RRM2: variants seen among roughly 807,000 people sequenced by gnomAD.
The protein encoded by RRM2 is ribonucleotide reductase regulatory subunit M2.
RRM2 carries 6 observed loss-of-function variants against 45.9 expected under a neutral mutation model. The ratio of observed to expected loss-of-function variants is 0.13; its 90% CI spans 0.07 to 0.26. The LOEUF is 0.26. Among genes scored for constraint, RRM2 ranks in the 10% least tolerant of loss-of-function variants. The pLI, the probability that RRM2 is intolerant of heterozygous loss-of-function variation, is 1.00. For synonymous variants in RRM2, 177 were observed against 173.0 expected (o/e 1.02, Z -0.18); for missense variants, 343 against 489.5 (o/e 0.70, Z 2.82).
rs1473129542 is a variant in RRM2 at position 10,194,913 on chromosome 2, T to C, written n.483-15398T>C. Among the ~76,000 whole-genome samples the C allele has an allele frequency of 2.0e-5, 3 of 152,310 alleles. No homozygotes were observed. The East Asian group carries it at 5.8e-4, about 29-fold the overall frequency. ...TCTGAGGCTGCCTTGTGCCTGATCT[T>C]GGGCAAGTTGCTTGCTAGACCTCTC... On this transcript the variant is annotated intron_variant and non_coding_transcript_variant, in intron 3 of 3. Transcript: ENST00000381786.
intron 3 of RRM2, among the ~76,000 whole-genome samples, chr2:10,199,939 T>C (rs1664511514): frequency 6.6e-6 from 1 of 152,080 alleles, no homozygotes; most frequent in South Asian, 2.1e-4. Flanking sequence ...GTTCAAGCGA[T>C]TCTCCAGCCT....
At chr2:10,178,085 C>G (rs1663969455) in intron 3 of RRM2, among the ~76,000 whole-genome samples, 1 of 151,890 alleles carries the variant, frequency 6.6e-6, no homozygotes, top group Non-Finnish European at 1.5e-5. Context: ...ACACGCCCGG[C>G]TAATTTTTTT....
downstream of RRM2, among the ~76,000 whole-genome samples, chr2:10,131,762 G>A (rs1397717961): frequency 6.6e-6 from 1 of 152,140 alleles, no homozygotes; most frequent in African/African-American, 2.4e-5. Context: ...TTTTGTAAAG[G>A]CTAACGAATT....
chr2:10,208,811 A>G (rs555341562), intron 3 of RRM2, among the ~76,000 whole-genome samples: 3 of 152,084 alleles, frequency 2.0e-5, no homozygotes, highest in Admixed American at 6.5e-5. Flanking sequence ...TGGTACCACA[A>G]TCCACCCAGT....
chr2:10,169,974 C>G lies in RRM2; in HGVS notation n.482+27599C>G, dbSNP rs1233066028. Among the ~76,000 whole-genome samples, 1 of 152,162 alleles carries G rather than the reference C, an allele frequency of 6.6e-6. No individual in the cohort carries two copies. Among genetic ancestry groups the G allele is most frequent in the Non-Finnish European group, 1.5e-5 (1 of 68,014 alleles). On this transcript the variant is annotated intron_variant and non_coding_transcript_variant, in intron 3 of 3. Transcript: ENST00000381786. This position sits in a 1 kb window ranked among gnomAD's most constrained non-coding sequence, Gnocchi z 5.1. ...GTGGCCCCACCTGATGGTTCTGATC[C>G]AGATTCTGGTACCCGAGTGAGCTAG...
intron 3 of RRM2, among the ~76,000 whole-genome samples, chr2:10,208,407 AAC>A (rs1664700110): frequency 6.6e-6 from 1 of 152,198 alleles, no homozygotes; most frequent in South Asian, 2.1e-4. Flanking sequence ...GGCAGGAATA[AAC>A]AATTCTGAGT....
At chr2:10,182,597 G>C (rs1429397314) in intron 3 of RRM2, among the ~76,000 whole-genome samples, 1 of 152,162 alleles carries the variant, frequency 6.6e-6, no homozygotes, top group Non-Finnish European at 1.5e-5. Flanking sequence ...CAAGGAGTTC[G>C]AGGCTAGCCT....
chr2:10,122,576 G>GCGCGGCCC, upstream of RRM2: 3 of 1,443,012 alleles, frequency 2.1e-6, no homozygotes, highest in Non-Finnish European at 2.7e-6. Flanking sequence ...TGAAAATCGC[G>GCGCGGCCC]CGCGGCCCCG....
In RRM2 at chr2:10,169,153, T is replaced by TG. The variant is rs1451361681; in HGVS notation, n.482+26778_482+26779insG. Among the ~76,000 whole-genome samples the TG allele has an allele frequency of 6.6e-6, 1 of 150,666 alleles. No individual in the cohort carries two copies. The highest frequency in any genetic ancestry group is 1.5e-5 in the Non-Finnish European group (1 of 67,492). On this transcript the variant is annotated intron_variant and non_coding_transcript_variant, in intron 3 of 3. Transcript: ENST00000381786. This position sits in a 1 kb window ranked among gnomAD's most constrained non-coding sequence, Gnocchi z 5.1. ...ATGCCCAGCTACTTTTTGTATTTTT[T>TG]TTTTTTTTTGTAGAGATGGGGTCTC...
intron 3 of RRM2, among the ~76,000 whole-genome samples, chr2:10,144,388 G>T (rs1663147410): frequency 6.6e-6 from 1 of 152,234 alleles, no homozygotes; most frequent in Non-Finnish European, 1.5e-5. Flanking sequence ...ATGTGGTGGG[G>T]AAGTGAGTTT....
chr2:10,150,564 A>G (rs559304051), intron 3 of RRM2, among the ~76,000 whole-genome samples: 1 of 148,374 alleles, frequency 6.7e-6, no homozygotes, highest in South Asian at 2.1e-4. Flanking sequence ...AACTGCGCCT[A>G]TTGAATGTGT....
At chr2:10,210,745 G>T (rs542209416) in exon 4 of RRM2, 1 of 552,824 alleles carries the variant, frequency 1.8e-6, no homozygotes, top group African/African-American at 2.0e-5. Context: ...GAATGCCTGT[G>T]TCCCCTGGGT....
chr2:10,190,508 GATA>G (rs1181538098), intron 3 of RRM2, among the ~76,000 whole-genome samples: 40 of 147,592 alleles, frequency 2.7e-4, no homozygotes, highest in Admixed American at 2.1e-3. Context: ...TGATAAGTGT[GATA>G]ATAATGACGG....
intron 3 of RRM2, among the ~76,000 whole-genome samples, chr2:10,190,791 ATGG>A (rs1664286677): frequency 6.7e-6 from 1 of 148,282 alleles, no homozygotes; most frequent in Non-Finnish European, 1.5e-5. Context: ...GGTGGTGGTG[ATGG>A]TGGGGTTGGT....
chr2:10,176,718 C>A (rs938373619), intron 3 of RRM2, among the ~76,000 whole-genome samples: 1 of 152,182 alleles, frequency 6.6e-6, no homozygotes, highest in Non-Finnish European at 1.5e-5. Flanking sequence ...GTTAAGGATT[C>A]CATTGTATGA....
intron 3 of RRM2, among the ~76,000 whole-genome samples, chr2:10,150,497 T>C (rs1663284411): frequency 7.7e-6 from 1 of 130,164 alleles, no homozygotes; most frequent in South Asian, 2.4e-4. Flanking sequence ...TTTCTCCTTG[T>C]TACTATGGGA....
At chr2:10,141,203 C>T (rs560572963), upstream of RRM2, among the ~76,000 whole-genome samples, 26 of 152,120 alleles carry the variant, frequency 1.7e-4, no homozygotes, top group Non-Finnish European at 2.8e-4. Flanking sequence ...GTTCAGAAAC[C>T]GCTGGCTTGG....
chr2:10,190,449 G>GA (rs1553328094), intron 3 of RRM2, among the ~76,000 whole-genome samples: 34 of 142,582 alleles, frequency 2.4e-4, no homozygotes, highest in African/African-American at 3.9e-4. Context: ...TGATGATGAT[G>GA]TGATGATGGT....
chr2:10,170,737 C>T (rs1279629888), intron 3 of RRM2, among the ~76,000 whole-genome samples: 1 of 152,202 alleles, frequency 6.6e-6, no homozygotes, highest in African/African-American at 2.4e-5. Flanking sequence ...TGTGCAGGCT[C>T]CCGTGTGCCT....
Sources: gnomAD v4.1 joint callset for allele counts (sites outside exome capture counted in the v4.1 genomes callset) on GRCh38, gnomAD v4.1.1 for gene constraint, Gnocchi (gnomAD v3.1) non-coding constraint, MANE v1.5 for transcripts, NCBI Gene and HGNC (gene_info 2026-07-23, HGNC 2026-07-21) for gene names.